FANCA: variants seen among roughly 807,000 people sequenced by gnomAD.
FANCA encodes FA complementation group A.
A neutral mutation model predicts 194.3 loss-of-function variants in FANCA; 236 were observed. The observed-to-expected ratio is 1.21, with a 90% CI of 1.09 to 1.35. FANCA has a LOEUF of 1.35. FANCA is among the 40% of genes most tolerant of loss of function. The pLI is 0.00. For synonymous variants in FANCA, 1,014 were observed against 715.8 expected (o/e 1.42, Z -6.65); for missense variants, 2,628 against 1,813.9 (o/e 1.45, Z -8.15).
intron 23 of FANCA, among the ~76,000 whole-genome samples, chr16:89,771,155 C>CAAAAAAAAAAAAAAAA (rs34471552): frequency 1.8e-5 from 1 of 56,644 alleles, no homozygotes; most frequent in African/African-American, 7.3e-5. Flanking sequence ...AAGACTCAGT[C>CAAAAAAAAAAAAAAAA]AAAAAAAAAA....
chr16:89,772,608 G>A (rs894124623), intron 22 of FANCA, among the ~76,000 whole-genome samples: 2 of 152,152 alleles, frequency 1.3e-5, no homozygotes, highest in African/African-American at 4.8e-5. Context: ...CCTGAGGTCA[G>A]GATTTCAAAA....
chr16:89,739,148 C>T lies in FANCA; in HGVS notation c.4152G>A (p.Leu1384=), dbSNP rs2062054135. The T allele has an allele frequency of 1.2e-6, 2 of 1,614,148 alleles. No individual in the cohort carries two copies. The highest frequency in any genetic ancestry group is 1.7e-6 in the Non-Finnish European group (2 of 1,180,028). Residue 1384 remains leucine (L), a synonymous_variant, in exon 41 of 43, where the codon CTG becomes CTA. Coordinates refer to ENST00000389301, the MANE Select transcript of FANCA (RefSeq NM_000135.4). ...TTGCACCTGCCTGACCCTTGAGCTC[C>T]AGGCTCCTGCCAGCTGGAGGTGAAA... ...STVSPPAGRS[L]ELKGQGNPVE...
intron 20 of FANCA, among the ~76,000 whole-genome samples, chr16:89,778,161 C>CA (rs35361961): frequency 0.2 from 9,537 of 47,844 alleles, 1,507 homozygotes; most frequent in African/African-American, 0.41. Flanking sequence ...GACTTCATCT[C>CA]AAAAAAAAAA....
chr16:89,749,750 C>CAATGTA lies in FANCA; in HGVS notation c.3218_3219insTACATT (p.Arg1073delinsSerThrLeu). ...GTTACCGTTTGTACATTAGCAGCTCCCTCTGTCTCTGAAGGCTGGCAGCCA... is the reference window on the plus strand; with the variant it reads ...GTTACCGTTTGTACATTAGCAGCTCCAATGTACTCTGTCTCTGAAGGCTGGCAGCCA... On this transcript the variant is annotated protein_altering_variant, in exon 32 of 43. Coordinates refer to ENST00000389301, the MANE Select transcript of FANCA (RefSeq NM_000135.4). 6.2e-7 allele frequency: 1 copy of CAATGTA among 1,614,126 alleles called. No homozygotes were observed. Among genetic ancestry groups the CAATGTA allele is most frequent in the Non-Finnish European group, 8.5e-7 (1 of 1,179,976 alleles).
chr16:89,767,552 T>A (rs566419985), intron 26 of FANCA, among the ~76,000 whole-genome samples: 1 of 151,618 alleles, frequency 6.6e-6, no homozygotes, highest in Non-Finnish European at 1.5e-5. Context: ...GTAGTTGTTG[T>A]TAGTGCTTTT....
At chr16:89,760,630 C>A (rs2038921455) in intron 29 of FANCA, among the ~76,000 whole-genome samples, 1 of 152,194 alleles carries the variant, frequency 6.6e-6, no homozygotes, top group African/African-American at 2.4e-5. Flanking sequence ...TACTCCTATG[C>A]CCAGAACAGC....
rs1042676101 is a variant in FANCA, at chr16:89,805,289, T to C, written c.700A>G (p.Met234Val). 9 of 1,613,472 alleles carry C rather than the reference T, an allele frequency of 5.6e-6. No homozygotes were observed. Among genetic ancestry groups the C allele is most frequent in the Admixed American group, 5.0e-5 (3 of 59,976 alleles). ...SCQHADVARA[M>V]LSDFVQMFVL... The stretch of plus-strand genomic sequence containing the variant: ...CTTGTCATGAACGCACCAGAAAGCA[T>C]GGCCCTGGCGACGTCAGCATGCTGG... The change falls in exon 7 of 43, where the codon ATG becomes GTG. Residue 234 changes from methionine to valine, a missense_variant. By Grantham distance (21) the Met-to-Val change is conservative. Transcript: ENST00000389301.
Position 89,749,832 on chromosome 16 carries a change from T to C in FANCA, c.3137A>G (p.His1046Arg), listed in dbSNP as rs2038519622. 6.2e-7 allele frequency: 1 copy of C among 1,614,164 alleles called. No individual in the cohort carries two copies. The highest frequency in any genetic ancestry group is 8.5e-7 in the Non-Finnish European group (1 of 1,180,014). The part of the protein sequence containing the change: ...VPLGHTPSQE[H>R]FLFEIFRRRL... ...TCTGCGGAAAATCTCAAAGAGGAAGTGCTCCTGGGAAGGGGTGTGGCCGAG... is the reference window on the plus strand; with the variant it reads ...TCTGCGGAAAATCTCAAAGAGGAAGCGCTCCTGGGAAGGGGTGTGGCCGAG... The change falls in exon 32 of 43, where the codon CAC becomes CGC. Residue 1046 changes from histidine to arginine, a missense_variant. By Grantham distance (29) the His-to-Arg change is conservative. Transcript: ENST00000389301.
At chr16:89,790,035 G>C (rs1237884016) in intron 14 of FANCA, among the ~76,000 whole-genome samples, 1 of 152,186 alleles carries the variant, frequency 6.6e-6, no homozygotes, top group Middle Eastern at 3.2e-3. Context: ...CACTGTGTGT[G>C]TTCCAAAGAA....
At chr16:89,770,466 C>A in intron 24 of FANCA, 98 bp downstream of exon 24, 1 of 1,225,694 alleles carries the variant, frequency 8.2e-7, no homozygotes, top group South Asian at 1.3e-5. Flanking sequence ...CATGCTCCTG[C>A]GGAGACGAGC....
rs768237452 is a variant in FANCA, at chr16:89,776,159, C to CTCT, written c.1827-345_1827-344insAGA. ...ATTCAAAACACGAATCTTTGTTTTT[C>CTCT]TTTTTTTTTTTTTTTTTTTTTTTTT... is the stretch of plus-strand genomic sequence containing the variant. On this transcript the variant is annotated intron_variant, in intron 20 of 42. Coordinates refer to ENST00000389301, the MANE Select transcript of FANCA (RefSeq NM_000135.4). Among the ~76,000 whole-genome samples the CTCT allele has an allele frequency of 2.2e-3, 207 of 93,310 alleles. 8 individuals carry two copies. Among genetic ancestry groups the CTCT allele is most frequent in the Middle Eastern group, 8.8e-3 (1 of 114 alleles). The allele number at this position is 93,310 out of a possible 152,430, so 61.2% of individuals were successfully genotyped here.
chr16:89,800,235 C>A (rs778445213), intron 8 of FANCA, among the ~76,000 whole-genome samples: 8 of 152,228 alleles, frequency 5.3e-5, no homozygotes, highest in Non-Finnish European at 1.0e-4. Context: ...GGCCTTGAAT[C>A]TGGGCTGTGG....
chr16:89,779,703 G>A (rs1408607706), intron 18 of FANCA, among the ~76,000 whole-genome samples, 166 bp downstream of exon 18: 2 of 152,192 alleles, frequency 1.3e-5, no homozygotes, highest in Non-Finnish European at 2.9e-5. Context: ...ATGTGGCTCT[G>A]GGCAGAAATG....
chr16:89,748,790 G>A (rs769240467), intron 32 of FANCA, 23 bp from the exon 33 acceptor site: 4 of 1,594,062 alleles, frequency 2.5e-6, no homozygotes, highest in Non-Finnish European at 3.4e-6. Flanking sequence ...GGCTGTATTG[G>A]TGGCGACAGC....
intron 28 of FANCA, chr16:89,762,871 G>C (rs2038998558): frequency 2.8e-6 from 1 of 357,416 alleles, no homozygotes; most frequent in Non-Finnish European, 5.8e-6. Context: ...GGGAGGCCGA[G>C]GCAGGCAGAT....
At chr16:89,770,531 C>T (rs117142978) in intron 24 of FANCA, 33 bp downstream of exon 24, 13 of 1,568,378 alleles carry the variant, frequency 8.3e-6, no homozygotes, top group Non-Finnish European at 1.1e-5. Context: ...CCCAGAGGAG[C>T]CCCACCACTC....
rs761788539 is a variant in FANCA, at chr16:89,814,613, C to T, written c.190G>A (p.Val64Ile). 6.2e-7 allele frequency: 1 copy of T among 1,611,186 alleles called. No homozygotes were observed. Among genetic ancestry groups the T allele is most frequent in the Non-Finnish European group, 8.5e-7 (1 of 1,177,434 alleles). ...AATTTTTTACACAGTGGACCTTCTA[C>T]CTAGAATCCAAAACACAACAAACTC... ...HQDLNALLLEVEGPLCKKLSL... is the reference protein window; with the variant it reads ...HQDLNALLLEIEGPLCKKLSL... The change falls in exon 3 of 43, where the codon GTA becomes ATA. Residue 64 changes from valine to isoleucine, a missense_variant and splice_region_variant. Transcript: ENST00000389301.
chr16:89,752,492 A>C (rs1018836696), intron 30 of FANCA, among the ~76,000 whole-genome samples: 1 of 152,284 alleles, frequency 6.6e-6, no homozygotes, highest in African/African-American at 2.4e-5. Flanking sequence ...GGCAAGAGAC[A>C]GAGGACACGA....
chr16:89,771,699 T>C lies in FANCA; in HGVS notation c.2130A>G (p.Arg710=). The stretch of plus-strand genomic sequence containing the variant: ...CTACCATGTGTTCCCGTGGCTCCAG[T>C]CTCGGCGTGTTGATGCTGAGCTGAA... ...SKIQLSINTP[R]LEPREHMAVD... is the part of the protein sequence containing the mutation. Residue 710 remains arginine (R), a synonymous_variant, in exon 23 of 43, where the codon AGA becomes AGG. Coordinates refer to ENST00000389301, the MANE Select transcript of FANCA (RefSeq NM_000135.4). 1.9e-6 allele frequency: 3 copies of C among 1,614,190 alleles called. No homozygotes were observed. Among genetic ancestry groups the C allele is most frequent in the Non-Finnish European group, 2.5e-6 (3 of 1,180,024 alleles).
Sources: gnomAD v4.1 joint callset for allele counts (sites outside exome capture counted in the v4.1 genomes callset) on GRCh38, gnomAD v4.1.1 for gene constraint, MANE v1.5 for transcripts, NCBI Gene and HGNC (gene_info 2026-07-23, HGNC 2026-07-21) for gene names.